PITPNC1: variants seen among roughly 807,000 people sequenced by gnomAD.
PITPNC1 encodes cytoplasmic phosphatidylinositol transfer protein 1.
In PITPNC1, 18 loss-of-function variants were observed where a neutral mutation model predicts 44.7. The observed-to-expected ratio is 0.40, with a 90% CI of 0.28 to 0.60. The LOEUF is 0.60. Ranked by LOEUF, PITPNC1 falls within the 20% of genes least tolerant of loss-of-function variation. The probability of loss-of-function intolerance (pLI) is 0.39; values close to 1 mark genes in which losing one functional copy is unlikely to be tolerated. For synonymous variants in PITPNC1, 141 were observed against 149.6 expected (o/e 0.94, Z 0.42); for missense variants, 290 against 418.4 (o/e 0.69, Z 2.68).
chr17:67,378,287 C>A, intron 1 of PITPNC1, 85 bp downstream of exon 1: 4 of 871,268 alleles, frequency 4.6e-6, no homozygotes, highest in South Asian at 2.1e-5. Context: ...CCCGGGCGAG[C>A]GGCAGGAAAC....
intron 8 of PITPNC1, among the ~76,000 whole-genome samples, chr17:67,688,603 G>C (rs1248043238): frequency 1.3e-5 from 2 of 152,058 alleles, no homozygotes; most frequent in African/African-American, 4.8e-5. Flanking sequence ...GGAGCAAGAG[G>C]CGTTTCCTCT....
intron 2 of PITPNC1, among the ~76,000 whole-genome samples, chr17:67,544,857 T>C (rs754527067): frequency 4.6e-5 from 7 of 152,200 alleles, no homozygotes; most frequent in Middle Eastern, 3.2e-3. Flanking sequence ...CCAGAACTTG[T>C]GTGGCTTTGG....
At chr17:67,423,024 T>TGAGG (rs1437847411) in intron 1 of PITPNC1, among the ~76,000 whole-genome samples, 4 of 151,624 alleles carry the variant, frequency 2.6e-5, no homozygotes, top group Non-Finnish European at 5.9e-5. Flanking sequence ...AAGAGTTGGG[T>TGAGG]AAGGAAGAGC....
At chr17:67,527,655 C>G (rs2040407746) in intron 1 of PITPNC1, among the ~76,000 whole-genome samples, 1 of 152,012 alleles carries the variant, frequency 6.6e-6, no homozygotes, top group African/African-American at 2.4e-5. Context: ...GAGCTGATAT[C>G]TCGCCACTGC....
At chr17:67,447,239 T>C (rs1214412674) in intron 1 of PITPNC1, among the ~76,000 whole-genome samples, 1 of 151,828 alleles carries the variant, frequency 6.6e-6, no homozygotes, top group African/African-American at 2.4e-5. Context: ...GCTCGTTCCT[T>C]GGAATGCAGG....
chr17:67,469,174 A>T (rs1262730381), intron 1 of PITPNC1, among the ~76,000 whole-genome samples: 2 of 152,142 alleles, frequency 1.3e-5, no homozygotes, highest in African/African-American at 2.4e-5. Flanking sequence ...CAACTGGTGC[A>T]ATTTTCCCAG....
At chr17:67,634,086 C>T (rs944244592) in intron 6 of PITPNC1, among the ~76,000 whole-genome samples, 6 of 152,232 alleles carry the variant, frequency 3.9e-5, no homozygotes, top group African/African-American at 1.4e-4. Context: ...AGCTTCCTTT[C>T]ATTCACACAG....
chr17:67,663,548 A>G (rs557683934), intron 6 of PITPNC1, among the ~76,000 whole-genome samples: 1 of 151,946 alleles, frequency 6.6e-6, no homozygotes, highest in South Asian at 2.1e-4. Context: ...AGCCTGGGCA[A>G]CACAGCGAGA....
chr17:67,520,304 C>T (rs1408587665), intron 1 of PITPNC1, among the ~76,000 whole-genome samples: 3 of 152,126 alleles, frequency 2.0e-5, no homozygotes, highest in East Asian at 1.9e-4. Context: ...AAGCGGATGG[C>T]GCAGGATATG....
In PITPNC1 at chr17:67,575,501, G is replaced by A. The variant is rs2041128135; in HGVS notation, c.295-2685G>A. ...GTTTCACTCAGATTAAGACAGATGC[G>A]TGCTGAACGCGTCCTGGCATGTGAT... is the stretch of plus-strand genomic sequence containing the variant. On this transcript the variant is annotated intron_variant, in intron 4 of 8. Coordinates refer to ENST00000581322, the MANE Select transcript of PITPNC1 (RefSeq NM_012417.4). Among the ~76,000 whole-genome samples, 7 of 152,276 alleles carry A rather than the reference G, an allele frequency of 4.6e-5. No homozygotes were observed. In the South Asian group the frequency reaches 1.2e-3, roughly 27 times the overall value.
At chr17:67,575,802 C>A (rs2041135042) in intron 4 of PITPNC1, among the ~76,000 whole-genome samples, 1 of 130,114 alleles carries the variant, frequency 7.7e-6, no homozygotes. Flanking sequence ...TTCCTTCTTT[C>A]TTTCTTTCTT....
At chr17:67,439,404 TG>T (rs113301017) in intron 1 of PITPNC1, among the ~76,000 whole-genome samples, 5,400 of 152,278 alleles carry the variant, frequency 0.035, 308 homozygotes, top group African/African-American at 0.12. Context: ...AGATGACTTT[TG>T]TCCCTCCAGC....
intron 1 of PITPNC1, among the ~76,000 whole-genome samples, chr17:67,486,315 A>C (rs939238935): frequency 6.6e-6 from 1 of 152,186 alleles, no homozygotes; most frequent in African/African-American, 2.4e-5. Flanking sequence ...CATGAGTTGA[A>C]GTCTCGCTGT....
chr17:67,383,052 G>A (rs1177293475), intron 1 of PITPNC1, among the ~76,000 whole-genome samples: 3 of 151,870 alleles, frequency 2.0e-5, no homozygotes, highest in African/African-American at 7.3e-5. Context: ...CTGGAGTGCA[G>A]TGGCGCAATC....
At chr17:67,644,425 A>ATTTTTTT (rs750245444) in intron 6 of PITPNC1, among the ~76,000 whole-genome samples, 2 of 108,974 alleles carry the variant, frequency 1.8e-5, no homozygotes, top group Non-Finnish European at 3.5e-5. Flanking sequence ...TCCCTCTGTA[A>ATTTTTTT]TTTTTTTTTT....
rs116097811 is a variant in PITPNC1, at chr17:67,482,385, G to C, written c.49-50417G>C. Among the ~76,000 whole-genome samples the C allele has an allele frequency of 7.5e-3, 1,140 of 152,160 alleles. 17 individuals carry two copies. The highest frequency in any genetic ancestry group is 0.026 in the African/African-American group (1,077 of 41,492). ...TCCTCCCTTGGATAGAAATTTTTCTGTCTTTAATAGATTAATGGTAATCAT... is the reference window on the plus strand; with the variant it reads ...TCCTCCCTTGGATAGAAATTTTTCTCTCTTTAATAGATTAATGGTAATCAT... On this transcript the variant is annotated intron_variant, in intron 1 of 8. Transcript: ENST00000581322.
At chr17:67,403,715 A>G (rs902068151) in intron 1 of PITPNC1, among the ~76,000 whole-genome samples, 2 of 152,208 alleles carry the variant, frequency 1.3e-5, no homozygotes, top group African/African-American at 4.8e-5. Context: ...CATTAATGGC[A>G]GAGCTGGGTG....
At chr17:67,633,445 C>T (rs2041994816) in intron 6 of PITPNC1, among the ~76,000 whole-genome samples, 1 of 152,210 alleles carries the variant, frequency 6.6e-6, no homozygotes, top group African/African-American at 2.4e-5. Context: ...AGCAAATGCT[C>T]GGCTGCTTAA....
chr17:67,379,857 A>T (rs1189705158), intron 1 of PITPNC1, among the ~76,000 whole-genome samples: 2 of 152,140 alleles, frequency 1.3e-5, no homozygotes, highest in Non-Finnish European at 2.9e-5. Context: ...TGCAGGTGAT[A>T]ATCAAGAAAA....
Sources: gnomAD v4.1 joint callset for allele counts (sites outside exome capture counted in the v4.1 genomes callset) on GRCh38, gnomAD v4.1.1 for gene constraint, MANE v1.5 for transcripts, NCBI Gene and HGNC (gene_info 2026-07-23, HGNC 2026-07-21) for gene names.